Variants in LEO1 observed in about 807,000 individuals in gnomAD.
LEO1 encodes LEO1 component of Paf1/RNA polymerase II complex, also known as RNA polymerase-associated protein LEO1.
LEO1 carries 34 observed loss-of-function variants against 80.4 expected under a neutral mutation model. The observed-to-expected ratio is 0.42, with a 90% CI of 0.32 to 0.56. The LOEUF is 0.56. Among genes scored for constraint, LEO1 ranks in the 20% least tolerant of loss-of-function variants. The pLI, the probability that LEO1 is intolerant of heterozygous loss-of-function variation, is 0.10. For missense variants in LEO1, 631 were observed against 814.2 expected (o/e 0.77, Z 2.74); for synonymous variants, 262 against 274.9 (o/e 0.95, Z 0.46).
chr15:51,949,875 C>T lies in LEO1; in HGVS notation c.1731G>A (p.Glu577=). ...TGATGGACTCCTCGCCTTCCTCCTC[C>T]TCATCGTATCGATCAGGTTCCAGGT... ...ASYLEPDRYD[E]EEEGEESISL... Residue 577 remains glutamate (E), a synonymous_variant, in exon 10 of 12, where the codon GAG becomes GAA. Coordinates refer to ENST00000299601, the MANE Select transcript of LEO1 (RefSeq NM_138792.4). The T allele has an allele frequency of 6.2e-7, 1 of 1,614,106 alleles. No homozygotes were observed. The highest frequency in any genetic ancestry group is 1.7e-5 in the Admixed American group (1 of 60,018).
Position 51,971,725 on chromosome 15 carries a change from G to A in LEO1, c.21C>T (p.Leu7=), listed in dbSNP as rs763473688. 1 of 1,614,176 alleles carries A rather than the reference G, an allele frequency of 6.2e-7. No individual in the cohort carries two copies. Among genetic ancestry groups the A allele is most frequent in the East Asian group, 2.2e-5 (1 of 44,890 alleles). ...CTTCGCTGTCGGCGTCGCTCCCGAA[G>A]AGATCCTCCATATCCGCCATTATCG... MADMED[L]FGSDADSEAE... is the part of the protein sequence containing the mutation. Residue 7 remains leucine (L), a synonymous_variant, in exon 1 of 12, where the codon CTC becomes CTT. Transcript: ENST00000299601.
intron 6 of LEO1, among the ~76,000 whole-genome samples, chr15:51,956,174 T>C (rs1248146990): frequency 6.6e-6 from 1 of 152,104 alleles, no homozygotes; most frequent in East Asian, 1.9e-4. Flanking sequence ...TCCCAGCACT[T>C]TGGGAGGCCG....
intron 1 of LEO1, among the ~76,000 whole-genome samples, chr15:51,967,525 G>C (rs570041295): frequency 6.6e-6 from 1 of 152,290 alleles, no homozygotes; most frequent in South Asian, 2.1e-4. Flanking sequence ...GAAAAATATA[G>C]ATCTACACAT....
chr15:51,946,380 G>C (rs1393325827), intron 11 of LEO1, among the ~76,000 whole-genome samples: 1 of 151,896 alleles, frequency 6.6e-6, no homozygotes, highest in Non-Finnish European at 1.5e-5. Flanking sequence ...ATTTTTAGTA[G>C]ATACGAGGTT....
At chr15:51,967,673 G>C (rs2959296) in intron 1 of LEO1, among the ~76,000 whole-genome samples, 97,003 of 152,078 alleles carry the variant, frequency 0.64, 32,248 homozygotes, top group East Asian at 0.98. Flanking sequence ...TATGAGGAAC[G>C]CTCAATAAGA....
chr15:51,944,308 G>A (rs2056881679), intron 11 of LEO1, among the ~76,000 whole-genome samples: 1 of 152,120 alleles, frequency 6.6e-6, no homozygotes, highest in Admixed American at 6.6e-5. Flanking sequence ...CATATTCAAA[G>A]TGCCAAAAGA....
rs571734755 is a variant in LEO1, at chr15:51,943,289, G to C, written c.1896+4003C>G. Reference sequence around the variant, plus strand: ...AGATACTTGGGAGGCTGAGGCAGGAGAATCGCTTGAATTCGGGAGGCGGAA... The same window carrying C: ...AGATACTTGGGAGGCTGAGGCAGGACAATCGCTTGAATTCGGGAGGCGGAA... On this transcript the variant is annotated intron_variant, in intron 11 of 11. Coordinates refer to ENST00000299601, the MANE Select transcript of LEO1 (RefSeq NM_138792.4). Among the ~76,000 whole-genome samples, 12 of 152,062 alleles carry C rather than the reference G, an allele frequency of 7.9e-5. No homozygotes were observed. In the East Asian group the frequency reaches 2.3e-3, roughly 29 times the overall value.
At chr15:51,941,269 A>G (rs1035176148) in intron 11 of LEO1, among the ~76,000 whole-genome samples, 4 of 152,178 alleles carry the variant, frequency 2.6e-5, no homozygotes, top group African/African-American at 9.7e-5. Flanking sequence ...TCCCAGTGTC[A>G]TATATAAATG....
At chr15:51,943,710 A>AG (rs397754776) in intron 11 of LEO1, among the ~76,000 whole-genome samples, 2 of 151,558 alleles carry the variant, frequency 1.3e-5, no homozygotes, top group Non-Finnish European at 2.9e-5. Context: ...AAAAAAAAAA[A>AG]GAAAGAAAGA....
chr15:51,968,844 A>G (rs528437344), intron 1 of LEO1, among the ~76,000 whole-genome samples: 22 of 152,306 alleles, frequency 1.4e-4, no homozygotes, highest in African/African-American at 5.3e-4. Context: ...AAAAAAGGAA[A>G]GTGAAAAAAC....
In LEO1 at chr15:51,954,442, T is replaced by C. The variant is rs751717128; in HGVS notation, c.1340+39A>G. On this transcript the variant is annotated intron_variant, in intron 7 of 11. Transcript: ENST00000299601. The stretch of plus-strand genomic sequence containing the variant: ...TCAAAACTTGATCCCTCTGACCCGT[T>C]CTGGGTATGTCAATACCCTTCAGGC... The C allele has an allele frequency of 2.4e-5, 30 of 1,231,726 alleles. No homozygotes were observed. In the East Asian group the frequency reaches 6.7e-4, roughly 28 times the overall value. The allele number at this position is 1,231,726 out of a possible 1,614,324, so 76.3% of individuals were successfully genotyped here. A position where few individuals can be genotyped will look rare whatever the true frequency, so the allele number is the denominator to read the frequency against.
At chr15:51,956,392 C>T (rs2056989429) in intron 6 of LEO1, among the ~76,000 whole-genome samples, 1 of 146,854 alleles carries the variant, frequency 6.8e-6, no homozygotes, top group Non-Finnish European at 1.5e-5. Flanking sequence ...TGCATTCCAG[C>T]CTGGGCGACG....
At chr15:51,962,241 T>C (rs941814136) in intron 3 of LEO1, 148 bp downstream of exon 3, 2 of 469,832 alleles carry the variant, frequency 4.3e-6, no homozygotes, top group African/African-American at 4.0e-5. Flanking sequence ...CATAGCTATA[T>C]AACTTCTCTG....
intron 2 of LEO1, among the ~76,000 whole-genome samples, chr15:51,964,460 TGATG>T (rs550646371): frequency 3.9e-4 from 59 of 151,826 alleles, no homozygotes; most frequent in Middle Eastern, 3.4e-3. Context: ...AATGACGAGT[TGATG>T]GGTGCAGCAC....
chr15:51,939,841 C>T (rs1249589715), intron 11 of LEO1, among the ~76,000 whole-genome samples: 3 of 152,192 alleles, frequency 2.0e-5, no homozygotes, highest in Admixed American at 6.5e-5. Flanking sequence ...ACAGCCTGTC[C>T]TAAAGGCCCC....
At chr15:51,959,834 A>G (rs2057016436) in intron 5 of LEO1, 65 bp downstream of exon 5, 2 of 1,390,920 alleles carry the variant, frequency 1.4e-6, no homozygotes, top group Middle Eastern at 1.9e-4. Flanking sequence ...ATGCGAAATA[A>G]GAAAAATAAA....
At position 51,971,558 on chromosome 15, in the gene LEO1, G is replaced by A. The variant is rs1566890472; in HGVS notation, c.58+130C>T. 8 of 870,354 alleles carry A rather than the reference G, an allele frequency of 9.2e-6. No homozygotes were observed. In the East Asian group the frequency reaches 1.5e-4, roughly 16 times the overall value. The allele number at this position is 870,354 out of a possible 1,614,324, so 53.9% of individuals were successfully genotyped here. A position where few individuals can be genotyped will look rare whatever the true frequency, so the allele number is the denominator to read the frequency against. ...GGAGGAGGATGGCACCTCCGGGAGT[G>A]CAGGGGGCGCTGAGGCAGGAGTGGA... On this transcript the variant is annotated intron_variant, in intron 1 of 11. Coordinates refer to ENST00000299601, the MANE Select transcript of LEO1 (RefSeq NM_138792.4).
intron 1 of LEO1, among the ~76,000 whole-genome samples, chr15:51,968,550 G>A (rs1957703652): frequency 6.6e-6 from 1 of 151,934 alleles, no homozygotes; most frequent in African/African-American, 2.4e-5. Context: ...GTAAGTGAAG[G>A]CCAGGCGCAG....
chr15:51,958,885 T>C (rs1566885373), intron 5 of LEO1, 59 bp from the exon 6 acceptor site: 8 of 818,384 alleles, frequency 9.8e-6, no homozygotes, highest in Admixed American at 5.1e-5. Flanking sequence ...ATTACTGCTA[T>C]GTAATAACAT....
Sources: gnomAD v4.1 joint callset for allele counts (sites outside exome capture counted in the v4.1 genomes callset) on GRCh38, gnomAD v4.1.1 for gene constraint, MANE v1.5 for transcripts, NCBI Gene and HGNC (gene_info 2026-07-23, HGNC 2026-07-21) for gene names.